TMPRSS3: variants seen among roughly 807,000 people sequenced by gnomAD.
The protein encoded by TMPRSS3 is transmembrane protease serine 3.
Under a neutral mutation model 59.6 loss-of-function variants are expected in TMPRSS3, and 55 were observed. That is an observed-to-expected ratio of 0.92 (90% CI 0.74 to 1.16). The LOEUF is 1.16. Ranked by LOEUF, TMPRSS3 falls within the 50% of genes most tolerant of loss-of-function variation. The probability of loss-of-function intolerance (pLI) is 0.00; values close to 1 mark genes in which losing one functional copy is unlikely to be tolerated. For synonymous variants in TMPRSS3, 257 were observed against 237.7 expected, an observed-to-expected ratio of 1.08 and a Z score of -0.75; for missense variants, 596 against 579.4, an observed-to-expected ratio of 1.03 and a Z score of -0.29.
intron 9 of TMPRSS3, chr21:42,381,842 G>T: frequency 1.5e-6 from 1 of 687,940 alleles, no homozygotes; most frequent in East Asian, 2.7e-5. Flanking sequence ...CATTGTCCAG[G>T]ATACAATTGA....
intron 2 of TMPRSS3, among the ~76,000 whole-genome samples, chr21:42,391,268 A>C (rs2052730234): frequency 6.6e-6 from 1 of 152,042 alleles, no homozygotes; most frequent in African/African-American, 2.4e-5. Flanking sequence ...CTGATGTCAA[A>C]CTCCTGGGCT....
chr21:42,379,741 G>A (rs1325072636), intron 10 of TMPRSS3, among the ~76,000 whole-genome samples: 1 of 152,040 alleles, frequency 6.6e-6, no homozygotes, highest in African/African-American at 2.4e-5. Flanking sequence ...AGTCCCACAA[G>A]ACAAAGAGTC....
chr21:42,372,874 A>T, intron 12 of TMPRSS3, 95 bp from the exon 13 acceptor site: 1 of 1,460,440 alleles, frequency 6.8e-7, no homozygotes, highest in South Asian at 1.1e-5. Context: ...GCCCTGTGGG[A>T]ATTGTGGGGC....
intron 6 of TMPRSS3, among the ~76,000 whole-genome samples, chr21:42,384,453 T>A (rs1390042688): frequency 6.6e-6 from 1 of 152,168 alleles, no homozygotes; most frequent in Non-Finnish European, 1.5e-5. Flanking sequence ...AGAGGACTCC[T>A]TCCCCAGAGC....
chr21:42,395,259 T>C (rs1251914890), intron 2 of TMPRSS3, 65 bp downstream of exon 2: 3 of 1,367,650 alleles, frequency 2.2e-6, no homozygotes, highest in Non-Finnish European at 1.0e-6. Flanking sequence ...GGACAGTCAG[T>C]CACATTGGTC....
intron 10 of TMPRSS3, among the ~76,000 whole-genome samples, 158 bp from the exon 11 acceptor site, chr21:42,376,841 A>T (rs2052439037): frequency 6.6e-6 from 1 of 152,136 alleles, no homozygotes; most frequent in Non-Finnish European, 1.5e-5. Flanking sequence ...TGCGGGTGGG[A>T]CGAGCAGACT....
chr21:42,394,413 T>C (rs2052774077), intron 2 of TMPRSS3, among the ~76,000 whole-genome samples: 1 of 152,168 alleles, frequency 6.6e-6, no homozygotes. Flanking sequence ...AAACCACACA[T>C]ACGGGCAAAA....
chr21:42,373,699 G>A (rs2052373540), intron 12 of TMPRSS3, among the ~76,000 whole-genome samples: 1 of 152,204 alleles, frequency 6.6e-6, no homozygotes. Flanking sequence ...GGGATCTGAT[G>A]TGAGGCACAC....
At chr21:42,375,961 A>C in intron 11 of TMPRSS3, 93 bp from the exon 12 acceptor site, 1 of 1,551,162 alleles carries the variant, frequency 6.4e-7, no homozygotes, top group African/African-American at 1.4e-5. Context: ...GCTGCTTGCT[A>C]TGGAGTTGGG....
chr21:42,389,767 G>A (rs1254611773), intron 3 of TMPRSS3, among the ~76,000 whole-genome samples, 160 bp downstream of exon 3: 6 of 152,232 alleles, frequency 3.9e-5, no homozygotes, highest in Non-Finnish European at 7.3e-5. Flanking sequence ...TTACATTCAT[G>A]TGGGCAAATA....
rs1424705478 is a variant in TMPRSS3, at chr21:42,372,756, T to C, written c.*6A>G. The stretch of plus-strand genomic sequence containing the variant: ...GAACTCAGGTGGCTACTTGTCCCCT[T>C]CCTCTTCAGGTTTTTAGGTCTCTCT... On this transcript the variant is annotated 3_prime_UTR_variant, in exon 13 of 13. Coordinates refer to ENST00000644384, the MANE Select transcript of TMPRSS3 (RefSeq NM_001256317.3). The C allele has an allele frequency of 6.2e-7, 1 of 1,614,044 alleles. No individual in the cohort carries two copies.
chr21:42,379,492 G>A (rs777393674), intron 10 of TMPRSS3, among the ~76,000 whole-genome samples: 1 of 152,198 alleles, frequency 6.6e-6, no homozygotes, highest in Non-Finnish European at 1.5e-5. Context: ...CACGCAGACT[G>A]TGATAATTTG....
At chr21:42,379,456 C>G (rs937137755) in intron 10 of TMPRSS3, among the ~76,000 whole-genome samples, 2 of 152,214 alleles carry the variant, frequency 1.3e-5, no homozygotes, top group African/African-American at 4.8e-5. Context: ...AGGGAACACA[C>G]CTGGCCAATT....
At position 42,372,057 on chromosome 21, in the gene TMPRSS3, C is replaced by G; in HGVS notation, c.*705G>C. Reference sequence around the variant, plus strand: ...GAAAGGGTGGGTTTGGTTCTGGTCCCTAGAGATGAAAACGTGCAGTGACTG... The same window carrying G: ...GAAAGGGTGGGTTTGGTTCTGGTCCGTAGAGATGAAAACGTGCAGTGACTG... On this transcript the variant is annotated 3_prime_UTR_variant, in exon 13 of 13. Coordinates refer to ENST00000644384, the MANE Select transcript of TMPRSS3 (RefSeq NM_001256317.3). The G allele has an allele frequency of 2.2e-6, 1 of 454,396 alleles. No individual in the cohort carries two copies. Among genetic ancestry groups the G allele is most frequent in the Non-Finnish European group, 4.4e-6 (1 of 226,798 alleles). The allele number at this position is 454,396 out of a possible 1,614,324, so 28.1% of individuals were successfully genotyped here. A position where few individuals can be genotyped will look rare whatever the true frequency, so the allele number is the denominator to read the frequency against.
Position 42,389,029 on chromosome 21 carries a change from T to C in TMPRSS3, c.222A>G (p.Ser74=), listed in dbSNP as rs1036835254. The C allele has an allele frequency of 6.2e-7, 1 of 1,614,134 alleles. No homozygotes were observed. Among genetic ancestry groups the C allele is most frequent in the Non-Finnish European group, 8.5e-7 (1 of 1,180,004 alleles). The change falls in exon 4 of 13, where the codon TCA becomes TCG. Residue 74 remains serine, a synonymous_variant. Coordinates refer to ENST00000644384, the MANE Select transcript of TMPRSS3 (RefSeq NM_001256317.3). ...AIGLGIHFDC[S]GKYRCRSSFK... is the part of the protein sequence containing the mutation. The stretch of plus-strand genomic sequence containing the variant: ...AGGATGAGCGACATCTGTACTTCCC[T>C]GAGCAGTCGAAGTGGACTGGGAAAA...
At chr21:42,392,799 T>C (rs1019367331) in intron 2 of TMPRSS3, among the ~76,000 whole-genome samples, 1 of 152,216 alleles carries the variant, frequency 6.6e-6, no homozygotes, top group Non-Finnish European at 1.5e-5. Flanking sequence ...TGCTCTGTAT[T>C]TAAGTTGGAT....
chr21:42,376,277 C>G (rs542769438), intron 11 of TMPRSS3, among the ~76,000 whole-genome samples: 38 of 152,314 alleles, frequency 2.5e-4, no homozygotes, highest in Non-Finnish European at 4.9e-4. Context: ...CTCCCCACCA[C>G]CTGCCTCCCC....
At chr21:42,395,890 T>C (rs772097378) in intron 1 of TMPRSS3, 52 bp downstream of exon 1, 100 of 508,156 alleles carry the variant, frequency 2.0e-4, no homozygotes, top group Non-Finnish European at 3.5e-4. Flanking sequence ...CGCAATTCTT[T>C]CCCTGTGCGT....
chr21:42,383,175 T>C lies in TMPRSS3; in HGVS notation c.640A>G (p.Ser214Gly), dbSNP rs146604336. ...ATGTTTCCACCCACGATGCGTGAGC[T>C]GTAGCCCCTTCTATGACCACAGGCT... The part of the protein sequence containing the change: ...CTACGHRRGY[S>G]SRIVGGNMSL... Residue 214 changes from serine to glycine, a missense_variant, in exon 8 of 13, where the codon AGC (serine) becomes GGC (glycine). Coordinates refer to ENST00000644384, the MANE Select transcript of TMPRSS3 (RefSeq NM_001256317.3). The C allele has an allele frequency of 7.4e-6, 12 of 1,613,822 alleles. No homozygotes were observed. Among genetic ancestry groups the C allele is most frequent in the Non-Finnish European group, 9.3e-6 (11 of 1,180,032 alleles).
Sources: gnomAD v4.1 joint callset for allele counts (sites outside exome capture counted in the v4.1 genomes callset) on GRCh38, gnomAD v4.1.1 for gene constraint, MANE v1.5 for transcripts, NCBI Gene and HGNC (gene_info 2026-07-23, HGNC 2026-07-21) for gene names.